The following MPHOSPH9 variants were observed in gnomAD, a reference collection of about 807,000 sequenced individuals.
MPHOSPH9 encodes the protein M-phase phosphoprotein 9.
MPHOSPH9 carries 88 observed loss-of-function variants against 145.5 expected under a neutral mutation model. The observed-to-expected ratio is 0.60, with a 90% CI of 0.51 to 0.72. MPHOSPH9 has a LOEUF of 0.72. MPHOSPH9 is among the 30% of genes least tolerant of loss of function. The pLI is 0.00. For missense variants in MPHOSPH9, 1,238 were observed against 1,386.6 expected (o/e 0.89, Z 1.70); for synonymous variants, 435 against 486.2 (o/e 0.89, Z 1.39).
In MPHOSPH9 at chr12:123,161,181, A is replaced by G. The variant is rs199916417; in HGVS notation, c.3336T>C (p.Ala1112=). Residue 1112 remains alanine, a synonymous_variant, in exon 22 of 24, where the codon GCT becomes GCC. Transcript: ENST00000606320. ...FEYTAKIRTL[A]ETERFFDELT... ...GTTCATCAAAAAATCGTTCTGTTTC[A>G]GCTAGGGTCCGAATTTTTGCTGTAT... 1 of 1,614,178 alleles carries G rather than the reference A, an allele frequency of 6.2e-7. No individual in the cohort carries two copies. Among genetic ancestry groups the G allele is most frequent in the East Asian group, 2.2e-5 (1 of 44,874 alleles).
intron 12 of MPHOSPH9, among the ~76,000 whole-genome samples, chr12:123,197,525 T>C (rs1482586466): frequency 6.6e-6 from 1 of 152,014 alleles, no homozygotes; most frequent in East Asian, 2.0e-4. Flanking sequence ...GGCTCACACC[T>C]GTAATCCCGG....
chr12:123,236,228 G>A (rs11057202), upstream of MPHOSPH9, among the ~76,000 whole-genome samples: 1 of 152,136 alleles, frequency 6.6e-6, no homozygotes, highest in African/African-American at 2.4e-5. Context: ...TCCAAGATAG[G>A]TCTTACTGAG....
chr12:123,218,271 T>G, intron 6 of MPHOSPH9, 105 bp downstream of exon 6: 1 of 1,465,920 alleles, frequency 6.8e-7, no homozygotes, highest in Non-Finnish European at 9.2e-7. Flanking sequence ...AATGAACAAA[T>G]TAACAATACA....
rs528171830 is a variant in MPHOSPH9, at chr12:123,158,012, C to T, written c.3451-1104G>A. 2.4e-4 allele frequency among the ~76,000 whole-genome samples: 37 copies of T among 151,090 alleles called. No homozygotes were observed. The South Asian group carries it at 5.6e-3, about 23-fold the overall frequency. ...TTTTTTTTTTTTTGGTTGGGGGAGA[C>T]GGAGTCTCGCTCTGTTGCCCAGACT... On this transcript the variant is annotated intron_variant, in intron 23 of 23. Transcript: ENST00000606320.
chr12:123,241,044 G>T (rs371298056), intron 1 of MPHOSPH9, among the ~76,000 whole-genome samples: 2 of 150,012 alleles, frequency 1.3e-5, no homozygotes, highest in Non-Finnish European at 3.0e-5. Context: ...TCAGAGACAC[G>T]AAATGAAAGG....
At chr12:123,197,111 T>C (rs999715196) in intron 12 of MPHOSPH9, among the ~76,000 whole-genome samples, 5 of 145,790 alleles carry the variant, frequency 3.4e-5, no homozygotes, top group African/African-American at 1.3e-4. Context: ...ACTCTAAATA[T>C]ACTAAAATTC....
chr12:123,165,563 A>G (rs2044283514), intron 17 of MPHOSPH9, 86 bp from the exon 18 acceptor site: 5 of 1,234,910 alleles, frequency 4.0e-6, no homozygotes, highest in Non-Finnish European at 5.7e-6. Context: ...ATACATGTTG[A>G]AGCCCTAATC....
chr12:123,209,960 T>G, intron 8 of MPHOSPH9, 96 bp downstream of exon 8: 1 of 671,890 alleles, frequency 1.5e-6, no homozygotes, highest in Non-Finnish European at 2.4e-6. Context: ...ATGGTCTTGA[T>G]CTCCTGACCT....
At chr12:123,228,301 C>T (rs2047504860) in intron 2 of MPHOSPH9, among the ~76,000 whole-genome samples, 3 of 152,082 alleles carry the variant, frequency 2.0e-5, no homozygotes, top group Non-Finnish European at 4.4e-5. Flanking sequence ...TTATTTACTG[C>T]TTGATATCCT....
intron 6 of MPHOSPH9, 144 bp downstream of exon 6, chr12:123,218,232 C>CA (rs2047051884): frequency 7.5e-6 from 9 of 1,207,666 alleles, no homozygotes; most frequent in South Asian, 6.2e-5. Context: ...AACTCCGTCT[C>CA]AAAAAAACAA....
chr12:123,212,766 CTTTTTTTTT>C (rs769159602), intron 7 of MPHOSPH9, among the ~76,000 whole-genome samples: 12 of 93,906 alleles, frequency 1.3e-4, no homozygotes, highest in Admixed American at 1.8e-4. Context: ...CAATGGTCGA[CTTTTTTTTT>C]TTTTTTTTTT....
At chr12:123,234,109 G>T (rs2047786895), upstream of MPHOSPH9, among the ~76,000 whole-genome samples, 1 of 151,866 alleles carries the variant, frequency 6.6e-6, no homozygotes, top group South Asian at 2.1e-4. Flanking sequence ...ACTTTTGAAG[G>T]ACCAAAGGGA....
intron 3 of MPHOSPH9, among the ~76,000 whole-genome samples, chr12:123,226,829 G>A (rs1437100213): frequency 2.6e-5 from 4 of 152,070 alleles, no homozygotes; most frequent in Non-Finnish European, 5.9e-5. Flanking sequence ...TAGAGACAGG[G>A]TCTCGCTATC....
intron 12 of MPHOSPH9, among the ~76,000 whole-genome samples, chr12:123,197,298 C>T (rs528098238): frequency 2.0e-5 from 3 of 151,866 alleles, no homozygotes; most frequent in Non-Finnish European, 4.4e-5. Flanking sequence ...CCTCCTGCCT[C>T]AGTCTCCCGA....
chr12:123,218,909 GTTTGT>G (rs923076924), intron 5 of MPHOSPH9, among the ~76,000 whole-genome samples: 4 of 151,396 alleles, frequency 2.6e-5, no homozygotes, highest in Non-Finnish European at 5.9e-5. Flanking sequence ...TTGTTTGTTT[GTTTGT>G]TTTTTAGAGA....
rs140562095 is a variant in MPHOSPH9, at chr12:123,215,146, G to A, written c.997-312C>T. 1.2e-3 allele frequency among the ~76,000 whole-genome samples: 188 copies of A among 152,180 alleles called. 1 individual carries two copies. In the East Asian group the frequency reaches 0.02, roughly 16 times the overall value. On this transcript the variant is annotated intron_variant, in intron 6 of 23. Transcript: ENST00000606320. ...AATCCCAGCTACTCGGCAGGCTGAC[G>A]CAGGAGAATCACTTGAACCTGGGAG...
Position 123,202,288 on chromosome 12 carries a change from G to C in MPHOSPH9, c.1813C>G (p.Arg605Gly), listed in dbSNP as rs769606403. 9 of 1,607,738 alleles carry C rather than the reference G, an allele frequency of 5.6e-6. No homozygotes were observed. The highest frequency in any genetic ancestry group is 1.7e-4 in the Middle Eastern group (1 of 6,060). ...TAAGCTCGAAGATCTGCTATGTGTCGAGCATGCTTTTCCTTCAGATTCTGC... is the reference window on the plus strand; with the variant it reads ...TAAGCTCGAAGATCTGCTATGTGTCCAGCATGCTTTTCCTTCAGATTCTGC... ...IRQNLKEKHA[R>G]HIADLRAYYE... The change falls in exon 11 of 24, where the codon CGA becomes GGA. Residue 605 changes from arginine to glycine, a missense_variant. Coordinates refer to ENST00000606320, the MANE Select transcript of MPHOSPH9 (RefSeq NM_022782.4).
downstream of MPHOSPH9, chr12:123,152,729 G>A (rs1353017815): frequency 5.7e-6 from 2 of 353,394 alleles, no homozygotes; most frequent in East Asian, 8.0e-5. Context: ...GCTCTTGGCA[G>A]GGCAGGAAAT....
intron 13 of MPHOSPH9, among the ~76,000 whole-genome samples, chr12:123,194,006 T>C (rs2045825694): frequency 6.6e-6 from 1 of 152,194 alleles, no homozygotes; most frequent in African/African-American, 2.4e-5. Context: ...TAGTGGCTGA[T>C]ACCTGTAATC....
Sources: gnomAD v4.1 joint callset for allele counts (sites outside exome capture counted in the v4.1 genomes callset) on GRCh38, gnomAD v4.1.1 for gene constraint, MANE v1.5 for transcripts, NCBI Gene and HGNC (gene_info 2026-07-23, HGNC 2026-07-21) for gene names.